Variants in WWOX observed in about 807,000 individuals in gnomAD.
WWOX encodes the protein WW domain-containing oxidoreductase.
Under a neutral mutation model 46.2 loss-of-function variants are expected in WWOX, and 69 were observed. That is an observed-to-expected ratio of 1.49 (90% CI 1.23 to 1.82). The LOEUF (loss-of-function observed/expected upper bound fraction) is 1.82, where lower values mean the gene tolerates loss of function less well. Ranked by LOEUF, WWOX falls within the 40% of genes most tolerant of loss-of-function variation. The pLI, the probability that WWOX is intolerant of heterozygous loss-of-function variation, is 0.00. For synonymous variants in WWOX, 359 were observed against 202.6 expected (o/e 1.77, Z -6.56); for missense variants, 919 against 542.6 (o/e 1.69, Z -6.89).
At chr16:79,086,696 C>T (rs1364199531) in intron 8 of WWOX, among the ~76,000 whole-genome samples, 2 of 152,080 alleles carry the variant, frequency 1.3e-5, no homozygotes, top group Non-Finnish European at 2.9e-5. Context: ...GCTTGGGCAA[C>T]ATAGGGAGAC....
intron 8 of WWOX, among the ~76,000 whole-genome samples, chr16:79,185,837 C>G (rs931949607): frequency 7.9e-5 from 12 of 152,088 alleles, no homozygotes; most frequent in Admixed American, 4.6e-4. Context: ...AGGGACTCAT[C>G]TGTTTTCTAG....
intron 8 of WWOX, among the ~76,000 whole-genome samples, chr16:79,152,110 C>G (rs542935647): frequency 6.6e-6 from 1 of 152,312 alleles, no homozygotes; most frequent in South Asian, 2.1e-4. Flanking sequence ...TTATCCTCTA[C>G]TTTTTCCTGT....
rs574231097 is a variant in WWOX at position 78,448,304 on chromosome 16, C to G, written c.1056+15552C>G. 3.3e-5 allele frequency among the ~76,000 whole-genome samples: 5 copies of G among 152,242 alleles called. No homozygotes were observed. In the South Asian group the frequency reaches 8.3e-4, roughly 25 times the overall value. ...AAAAAAGGCAGAAATTAATAAAACT[C>G]TATGTATTAGTTATCTATCACTGCA... On this transcript the variant is annotated intron_variant, in intron 8 of 8. Transcript: ENST00000566780.
intron 8 of WWOX, among the ~76,000 whole-genome samples, chr16:78,493,813 C>T (rs1447547047): frequency 6.6e-6 from 1 of 152,124 alleles, no homozygotes; most frequent in Admixed American, 6.5e-5. Flanking sequence ...TTGTGTGAGC[C>T]TGTAGAGTCC....
intron 8 of WWOX, among the ~76,000 whole-genome samples, chr16:78,830,878 C>T (rs372027201): frequency 6.6e-6 from 1 of 152,114 alleles, no homozygotes; most frequent in Non-Finnish European, 1.5e-5. Flanking sequence ...CCCATCCTTA[C>T]CCTCTATAGC....
chr16:78,583,884 A>C (rs527685800), intron 8 of WWOX, among the ~76,000 whole-genome samples: 37 of 152,306 alleles, frequency 2.4e-4, no homozygotes, highest in Admixed American at 9.2e-4. Context: ...AGTGTTGCAT[A>C]CCTGTTTGGG....
chr16:78,674,542 C>A (rs1172812927), intron 8 of WWOX, among the ~76,000 whole-genome samples: 2 of 152,146 alleles, frequency 1.3e-5, no homozygotes, highest in Non-Finnish European at 2.9e-5. Context: ...TCCTCAGCCT[C>A]CCAAAGTGCT....
intron 8 of WWOX, among the ~76,000 whole-genome samples, chr16:79,004,953 A>G (rs1209677741): frequency 6.6e-6 from 1 of 152,104 alleles, no homozygotes; most frequent in Non-Finnish European, 1.5e-5. Context: ...GTGTTTCAGA[A>G]AGGAGGAGTT....
intron 8 of WWOX, among the ~76,000 whole-genome samples, chr16:79,008,070 G>T (rs1176892937): frequency 6.6e-6 from 1 of 152,210 alleles, no homozygotes; most frequent in African/African-American, 2.4e-5. Context: ...CAAAGCGTCA[G>T]CCAGGGATGG....
intron 8 of WWOX, among the ~76,000 whole-genome samples, chr16:78,582,289 GA>G (rs1377537783): frequency 6.6e-6 from 1 of 152,154 alleles, no homozygotes; most frequent in African/African-American, 2.4e-5. Flanking sequence ...ATTGCTGTTG[GA>G]TTATGTTACG....
intron 8 of WWOX, among the ~76,000 whole-genome samples, chr16:78,784,702 G>A (rs879220692): frequency 6.6e-6 from 1 of 152,138 alleles, no homozygotes; most frequent in East Asian, 1.9e-4. Flanking sequence ...TGTTTTAGCT[G>A]CCCCCAGTCA....
chr16:79,017,853 C>A, intron 8 of WWOX, among the ~76,000 whole-genome samples: 1 of 152,130 alleles, frequency 6.6e-6, no homozygotes, highest in East Asian at 1.9e-4. Context: ...GGCTGGTGGG[C>A]TGGATTTGTC....
At chr16:78,674,190 A>G (rs1031548388) in intron 8 of WWOX, among the ~76,000 whole-genome samples, 3 of 152,006 alleles carry the variant, frequency 2.0e-5, no homozygotes, top group African/African-American at 7.3e-5. Context: ...TTGGATGAAG[A>G]GAACACTTGT....
At chr16:78,860,880 A>G (rs1440673058) in intron 8 of WWOX, among the ~76,000 whole-genome samples, 1 of 152,196 alleles carries the variant, frequency 6.6e-6, no homozygotes, top group Non-Finnish European at 1.5e-5. Context: ...TCTGTCACCC[A>G]GGCTAGAGTG....
chr16:78,453,638 C>T (rs1180089634), intron 8 of WWOX, among the ~76,000 whole-genome samples: 3 of 151,864 alleles, frequency 2.0e-5, no homozygotes, highest in Non-Finnish European at 2.9e-5. Context: ...CTATTTTTAT[C>T]CTGAAGATTT....
intron 8 of WWOX, among the ~76,000 whole-genome samples, chr16:78,844,674 A>G (rs2052250658): frequency 6.6e-6 from 1 of 152,302 alleles, no homozygotes; most frequent in South Asian, 2.1e-4. Flanking sequence ...ATTAAAACAT[A>G]CCTTTTTAAA....
chr16:78,843,033 A>T (rs1426624265), intron 8 of WWOX, among the ~76,000 whole-genome samples: 1 of 149,988 alleles, frequency 6.7e-6, no homozygotes, highest in African/African-American at 2.4e-5. Context: ...ATTTTACTTT[A>T]AGTGCTGCAA....
intron 8 of WWOX, among the ~76,000 whole-genome samples, chr16:78,520,250 G>A (rs777016621): frequency 6.6e-5 from 10 of 152,126 alleles, no homozygotes; most frequent in African/African-American, 9.7e-5. Context: ...GATGGATTAC[G>A]GTGAAGAGAG....
At position 79,038,944 on chromosome 16, in the gene WWOX, A is replaced by G. The variant is rs1002332604; in HGVS notation, c.1057-172664A>G. 7.2e-5 allele frequency among the ~76,000 whole-genome samples: 11 copies of G among 152,320 alleles called. No individual in the cohort carries two copies. In the East Asian group the frequency reaches 1.5e-3, roughly 21 times the overall value. Reference sequence around the variant, plus strand: ...ACAAATCTGCATTTCATGACCACATATATCTATTGAGTTGCCCCTAGGATC... The same window carrying G: ...ACAAATCTGCATTTCATGACCACATGTATCTATTGAGTTGCCCCTAGGATC... On this transcript the variant is annotated intron_variant, in intron 8 of 8. Transcript: ENST00000566780.
Sources: allele counts gnomAD v4.1 joint callset (sites outside exome capture counted in the v4.1 genomes callset), GRCh38; gene constraint gnomAD v4.1.1; transcripts MANE v1.5; gene names NCBI Gene and HGNC (gene_info 2026-07-23, HGNC 2026-07-21).